The following AK7 variants were observed in gnomAD, a reference collection of about 807,000 sequenced individuals.
The protein encoded by AK7 is adenylate kinase 7, also known as ATP-AMP transphosphorylase 7.
AK7 carries 78 observed loss-of-function variants against 96.6 expected under a neutral mutation model. That is an observed-to-expected ratio of 0.81 (90% confidence interval 0.67 to 0.97). The LOEUF (loss-of-function observed/expected upper bound fraction) is 0.97, where lower values mean the gene tolerates loss of function less well. Among genes scored for constraint, AK7 ranks in the 50% least tolerant of loss-of-function variants. The pLI is 0.00. For missense variants in AK7, 855 were observed against 887.9 expected, an observed-to-expected ratio of 0.96 and a Z score of 0.47; for synonymous variants, 302 against 317.2, an observed-to-expected ratio of 0.95 and a Z score of 0.51.
chr14:96,439,702 A>G (rs1250805815), intron 6 of AK7, among the ~76,000 whole-genome samples: 1 of 151,866 alleles, frequency 6.6e-6, no homozygotes, highest in Non-Finnish European at 1.5e-5. Context: ...AGAAAGAATG[A>G]CAAATTGTGT....
intron 5 of AK7, among the ~76,000 whole-genome samples, chr14:96,434,058 T>C (rs1184497132): frequency 6.6e-6 from 1 of 152,236 alleles, no homozygotes; most frequent in Admixed American, 6.5e-5. Context: ...TGATCCCTGG[T>C]GCTTTATTTA....
rs767163888 is a variant in AK7 at position 96,471,615 on chromosome 14, G to C, written c.1486+9G>C. ...AAAAGACCTGTTCAATCGTAAGTTT[G>C]AGTGTTCTATTTTGAGTATTTATAT... On this transcript the variant is annotated intron_variant, in intron 13 of 17. Coordinates refer to ENST00000267584, the MANE Select transcript of AK7 (RefSeq NM_152327.5). The C allele has an allele frequency of 2.0e-6, 3 of 1,534,440 alleles. No individual in the cohort carries two copies. Among genetic ancestry groups the C allele is most frequent in the Non-Finnish European group, 2.6e-6 (3 of 1,144,490 alleles).
At position 96,442,604 on chromosome 14, in the gene AK7, C is replaced by G. The variant is rs1595419156; in HGVS notation, c.691-126C>G. On this transcript the variant is annotated intron_variant, in intron 6 of 17. Coordinates refer to ENST00000267584, the MANE Select transcript of AK7 (RefSeq NM_152327.5). ...ATCAGGGCTGATTTATAAAACACCC[C>G]CTAGAGGAAATTACTTAAGCAGATA... is the stretch of plus-strand genomic sequence containing the variant. The G allele has an allele frequency of 6.5e-6, 5 of 773,790 alleles. No homozygotes were observed. In the Admixed American group the frequency reaches 7.2e-5, roughly 11 times the overall value. The allele number at this position is 773,790 out of a possible 1,614,324, so 47.9% of individuals were successfully genotyped here. A position where few individuals can be genotyped will look rare whatever the true frequency, so the allele number is the denominator to read the frequency against.
intron 7 of AK7, 54 bp from the exon 8 acceptor site, chr14:96,446,463 C>G: frequency 6.7e-7 from 1 of 1,489,396 alleles, no homozygotes; most frequent in Non-Finnish European, 9.4e-7. Flanking sequence ...TTCTAGTTTA[C>G]TGCATCTCTT....
chr14:96,463,186 G>A (rs1894355287), intron 12 of AK7, among the ~76,000 whole-genome samples: 2 of 152,078 alleles, frequency 1.3e-5, no homozygotes, highest in Admixed American at 1.3e-4. Context: ...AGTTAACCTT[G>A]GCAGTGGAAG....
intron 4 of AK7, among the ~76,000 whole-genome samples, chr14:96,409,895 A>G (rs961757041): frequency 2.0e-5 from 3 of 152,258 alleles, no homozygotes; most frequent in African/African-American, 7.2e-5. Flanking sequence ...CAACGCGAGT[A>G]GTTGACTCAA....
intron 5 of AK7, among the ~76,000 whole-genome samples, chr14:96,433,764 T>C (rs536266328): frequency 3.9e-5 from 6 of 152,282 alleles, no homozygotes; most frequent in Non-Finnish European, 7.4e-5. Context: ...TCTGTTTTTT[T>C]CCTCTGACTG....
At chr14:96,439,317 G>T (rs913636603) in intron 6 of AK7, among the ~76,000 whole-genome samples, 5 of 151,992 alleles carry the variant, frequency 3.3e-5, no homozygotes, top group Non-Finnish European at 7.4e-5. Context: ...ATTAGGAAAG[G>T]AGGTTGAGAA....
At chr14:96,434,701 G>A (rs945175558) in intron 5 of AK7, among the ~76,000 whole-genome samples, 6 of 152,206 alleles carry the variant, frequency 3.9e-5, no homozygotes, top group African/African-American at 1.2e-4. Flanking sequence ...CCAGGCTCCA[G>A]GTGGGTCCAG....
At chr14:96,488,173 A>G in intron 17 of AK7, 132 bp from the exon 18 acceptor site, 1 of 740,092 alleles carries the variant, frequency 1.4e-6, no homozygotes, top group East Asian at 3.0e-5. Context: ...TCAGCCTCCC[A>G]AAGTGCTGGG....
intron 4 of AK7, among the ~76,000 whole-genome samples, chr14:96,417,883 A>G (rs1218246710): frequency 3.3e-5 from 5 of 152,254 alleles, no homozygotes; most frequent in Non-Finnish European, 7.3e-5. Context: ...GTATCAATCA[A>G]TAGCAAACCA....
chr14:96,421,731 G>A (rs1021117103), intron 5 of AK7, among the ~76,000 whole-genome samples: 3 of 151,038 alleles, frequency 2.0e-5, no homozygotes, highest in Admixed American at 6.6e-5. Context: ...TCAGCCTCCC[G>A]GGTAGCTGGG....
At chr14:96,415,119 A>G (rs761031469) in intron 4 of AK7, among the ~76,000 whole-genome samples, 16 of 151,936 alleles carry the variant, frequency 1.1e-4, no homozygotes, top group Non-Finnish European at 1.9e-4. Context: ...CTAAAAGCAA[A>G]GGCCATGGGG....
At chr14:96,452,901 C>T (rs757050094) in intron 10 of AK7, among the ~76,000 whole-genome samples, 1 of 152,154 alleles carries the variant, frequency 6.6e-6, no homozygotes, top group Non-Finnish European at 1.5e-5. Flanking sequence ...GAAATCAGAT[C>T]AATGAAGCAC....
chr14:96,463,328 A>G (rs557656919), intron 12 of AK7, among the ~76,000 whole-genome samples: 14 of 152,162 alleles, frequency 9.2e-5, no homozygotes, highest in Non-Finnish European at 2.1e-4. Flanking sequence ...CTTGGAAGTC[A>G]CCAAGCATGG....
At chr14:96,484,872 G>T (rs1166236537) in intron 16 of AK7, among the ~76,000 whole-genome samples, 1 of 152,154 alleles carries the variant, frequency 6.6e-6, no homozygotes, top group Non-Finnish European at 1.5e-5. Flanking sequence ...AATAGTGCCT[G>T]GCACATAACA....
At chr14:96,408,824 C>G in intron 3 of AK7, 23 bp from the exon 4 acceptor site, 1 of 1,611,656 alleles carries the variant, frequency 6.2e-7, no homozygotes, top group African/African-American at 1.3e-5. Context: ...TCCAAATAAC[C>G]ACTCTGCTTT....
In AK7 at chr14:96,399,567, T is replaced by C. The variant is rs1890284747; in HGVS notation, c.294+1304T>C. ...AGGTCTCACCCCTTCACCCCCGCCA[T>C]TCACTGGTCTATCCAATGCTGGCTG... On this transcript the variant is annotated intron_variant, in intron 2 of 17. Transcript: ENST00000267584. This position sits in a 1 kb window ranked among gnomAD's most constrained non-coding sequence, Gnocchi z 4.1. Among the ~76,000 whole-genome samples the C allele has an allele frequency of 6.6e-6, 1 of 152,166 alleles. No individual in the cohort carries two copies. The highest frequency in any genetic ancestry group is 2.1e-4 in the South Asian group (1 of 4,830).
chr14:96,398,025 C>CCTG, intron 1 of AK7, 50 bp from the exon 2 acceptor site: 3 of 1,571,864 alleles, frequency 1.9e-6, no homozygotes, highest in Non-Finnish European at 2.6e-6. Context: ...TCACTGGCCC[C>CCTG]CTGACTCTAA....
Sources: gnomAD v4.1 joint callset for allele counts (sites outside exome capture counted in the v4.1 genomes callset) on GRCh38, gnomAD v4.1.1 for gene constraint, Gnocchi (gnomAD v3.1) non-coding constraint, MANE v1.5 for transcripts, NCBI Gene and HGNC (gene_info 2026-07-23, HGNC 2026-07-21) for gene names.